The following SLC5A4 variants were observed in gnomAD, a reference collection of about 807,000 sequenced individuals.
SLC5A4 encodes solute carrier family 5 member 4, also known as probable glucose sensor protein SLC5A4.
SLC5A4 carries 55 observed loss-of-function variants against 70.3 expected under a neutral mutation model. That is an observed-to-expected ratio of 0.78 (90% CI 0.63 to 0.98). The LOEUF (loss-of-function observed/expected upper bound fraction) is 0.98, where lower values mean the gene tolerates loss of function less well. Among genes scored for constraint, SLC5A4 ranks in the 50% least tolerant of loss-of-function variants. The probability of loss-of-function intolerance (pLI) is 0.00; values close to 1 mark genes in which losing one functional copy is unlikely to be tolerated. For missense variants in SLC5A4, 735 were observed against 839.2 expected (o/e 0.88, Z 1.53); for synonymous variants, 268 against 305.7 (o/e 0.88, Z 1.29).
chr22:32,252,101 G>A (rs1230991817), intron 2 of SLC5A4, among the ~76,000 whole-genome samples: 1 of 151,940 alleles, frequency 6.6e-6, no homozygotes, highest in Non-Finnish European at 1.5e-5. Flanking sequence ...GTGGTGGTGG[G>A]CGCCTGTAGT....
the SLC5A4 span, among the ~76,000 whole-genome samples, chr22:32,281,382 G>T: frequency 6.6e-6 from 1 of 152,186 alleles, no homozygotes; most frequent in Non-Finnish European, 1.5e-5. Flanking sequence ...GTGGGGAGGA[G>T]CCAAAGCATG....
At chr22:32,348,561 ACTC>A in the SLC5A4 span, among the ~76,000 whole-genome samples, 7 of 152,200 alleles carry the variant, frequency 4.6e-5, no homozygotes, top group Non-Finnish European at 5.9e-5. Context: ...AAAAGAAAGA[ACTC>A]AATATGAAAC....
At chr22:32,336,670 C>T in the SLC5A4 span, among the ~76,000 whole-genome samples, 9 of 152,214 alleles carry the variant, frequency 5.9e-5, no homozygotes, top group Non-Finnish European at 1.0e-4. Context: ...CTCCAAATAG[C>T]TGTGTTAGGT....
chr22:32,305,373 G>A, the SLC5A4 span, among the ~76,000 whole-genome samples: 3 of 150,034 alleles, frequency 2.0e-5, 1 homozygote, highest in African/African-American at 4.9e-5. Flanking sequence ...GCTGCCTTGT[G>A]TACCTGCTGA....
the SLC5A4 span, among the ~76,000 whole-genome samples, chr22:32,304,670 G>A: frequency 3.4e-4 from 52 of 152,188 alleles, no homozygotes; most frequent in Admixed American, 2.3e-3. Context: ...ATTTTCTCCC[G>A]TTCTTTGGCT....
chr22:32,346,573 T>C, the SLC5A4 span, among the ~76,000 whole-genome samples: 1 of 143,100 alleles, frequency 7.0e-6, no homozygotes, highest in Non-Finnish European at 1.5e-5. Context: ...ATCTGATCTT[T>C]GACAAACCTG....
chr22:32,271,110 C>G, the SLC5A4 span: 1 of 596,626 alleles, frequency 1.7e-6, no homozygotes, highest in Non-Finnish European at 3.1e-6. Context: ...CAGCCCCTGC[C>G]GACTGGGACT....
At chr22:32,321,180 G>A in the SLC5A4 span, among the ~76,000 whole-genome samples, 7 of 152,322 alleles carry the variant, frequency 4.6e-5, no homozygotes, top group East Asian at 1.9e-4. Flanking sequence ...CAGCTACTCA[G>A]GAGGCTGAGG....
At chr22:32,333,063 C>T in the SLC5A4 span, among the ~76,000 whole-genome samples, 1 of 152,140 alleles carries the variant, frequency 6.6e-6, no homozygotes, top group Non-Finnish European at 1.5e-5. Flanking sequence ...CAGTCCCTTC[C>T]CTCATCTTAC....
intron 5 of SLC5A4, among the ~76,000 whole-genome samples, chr22:32,241,091 A>C (rs895911237): frequency 6.6e-6 from 1 of 152,254 alleles, no homozygotes; most frequent in South Asian, 2.1e-4. Flanking sequence ...CAAGACCTGC[A>C]TGGCAGCAAG....
upstream of SLC5A4, among the ~76,000 whole-genome samples, chr22:32,256,265 G>C (rs1048864104): frequency 6.6e-6 from 1 of 151,996 alleles, no homozygotes; most frequent in Non-Finnish European, 1.5e-5. Flanking sequence ...CCATGATCAC[G>C]CCGCTGCACT....
At chr22:32,254,819 T>C (rs1927380317) in intron 1 of SLC5A4, among the ~76,000 whole-genome samples, 1 of 151,592 alleles carries the variant, frequency 6.6e-6, no homozygotes, top group East Asian at 1.9e-4. Flanking sequence ...AAAAAAAAAT[T>C]TGCAGTCTCA....
At position 32,251,638 on chromosome 22, in the gene SLC5A4, A is replaced by G. The variant is rs1023783728; in HGVS notation, c.312+132T>C. On this transcript the variant is annotated intron_variant, in intron 3 of 14. Transcript: ENST00000266086. Reference sequence around the variant, plus strand: ...TCAGCCCTTGCACTTCCCAGCCTTCAGAGCTGTCAGAGATACATTTCTGTT... The same window carrying G: ...TCAGCCCTTGCACTTCCCAGCCTTCGGAGCTGTCAGAGATACATTTCTGTT... The G allele has an allele frequency of 1.7e-5, 11 of 662,170 alleles. No individual in the cohort carries two copies. In the African/African-American group the frequency reaches 2.0e-4, roughly 12 times the overall value. The allele number at this position is 662,170 out of a possible 1,614,324, so 41.0% of individuals were successfully genotyped here. A position where few individuals can be genotyped will look rare whatever the true frequency, so the allele number is the denominator to read the frequency against.
At chr22:32,256,126 G>A (rs1419569593), upstream of SLC5A4, among the ~76,000 whole-genome samples, 1 of 152,162 alleles carries the variant, frequency 6.6e-6, no homozygotes, top group Non-Finnish European at 1.5e-5. Flanking sequence ...AGACCAGCTT[G>A]GGCAACATAG....
chr22:32,241,618 G>A (rs2145683317), intron 5 of SLC5A4, among the ~76,000 whole-genome samples: 1 of 152,266 alleles, frequency 6.6e-6, no homozygotes, highest in African/African-American at 2.4e-5. Context: ...GCCAAAGCGG[G>A]TGGATCACTT....
chr22:32,353,624 T>C, the SLC5A4 span, among the ~76,000 whole-genome samples: 1 of 150,896 alleles, frequency 6.6e-6, no homozygotes, highest in South Asian at 2.1e-4. Flanking sequence ...GCCGGCAGTG[T>C]AGCCCCCAGA....
the SLC5A4 span, among the ~76,000 whole-genome samples, chr22:32,261,583 A>G: frequency 1.3e-5 from 2 of 152,184 alleles, no homozygotes; most frequent in Admixed American, 1.3e-4. Flanking sequence ...GAACTTCCAG[A>G]CAGATAAGGT....
chr22:32,263,820 C>G, the SLC5A4 span, among the ~76,000 whole-genome samples: 2 of 152,098 alleles, frequency 1.3e-5, no homozygotes, highest in African/African-American at 4.8e-5. Context: ...CAATGGTAGA[C>G]TGGATAAAGA....
intron 7 of SLC5A4, 52 bp downstream of exon 7, chr22:32,237,192 C>A: frequency 7.7e-7 from 1 of 1,301,438 alleles, no homozygotes; most frequent in Non-Finnish European, 1.1e-6. Flanking sequence ...CGAACAGAAA[C>A]AAGTCCCGTG....
Sources: allele counts gnomAD v4.1 joint callset (sites outside exome capture counted in the v4.1 genomes callset), GRCh38; gene constraint gnomAD v4.1.1; transcripts MANE v1.5; gene names NCBI Gene and HGNC (gene_info 2026-07-23, HGNC 2026-07-21).